Variants in ABCC4 observed in about 807,000 individuals in gnomAD.
ABCC4 encodes the protein ATP-binding cassette sub-family C member 4.
ABCC4 carries 102 observed loss-of-function variants against 168.5 expected under a neutral mutation model. The observed-to-expected ratio is 0.61, with a 90% CI of 0.52 to 0.71. The LOEUF (loss-of-function observed/expected upper bound fraction) is 0.71, where lower values mean the gene tolerates loss of function less well. Among genes scored for constraint, ABCC4 ranks in the 30% least tolerant of loss-of-function variants. The pLI is 0.00. For missense variants in ABCC4, 1,402 were observed against 1,605.8 expected (o/e 0.87, Z 2.17); for synonymous variants, 617 against 590.7 (o/e 1.04, Z -0.65).
intron 19 of ABCC4, among the ~76,000 whole-genome samples, chr13:95,151,581 G>C (rs9645933): frequency 0.12 from 17,597 of 144,378 alleles, 1,405 homozygotes; most frequent in Non-Finnish European, 0.17. Flanking sequence ...GAAGGAGGAG[G>C]AGAAGGAGAA....
chr13:95,275,749 C>CAAA (rs61446542), intron 1 of ABCC4, among the ~76,000 whole-genome samples: 84,430 of 141,328 alleles, frequency 0.6, 26,092 homozygotes, highest in South Asian at 0.67. Flanking sequence ...GTTTCTGTCT[C>CAAA]AAAAAAAAAA....
intron 1 of ABCC4, among the ~76,000 whole-genome samples, chr13:95,253,836 G>A (rs1020335876): frequency 2.0e-5 from 3 of 152,096 alleles, no homozygotes; most frequent in South Asian, 2.1e-4. Context: ...ATACATGGAA[G>A]GTTAAGTGTT....
chr13:95,274,781 A>C (rs1156839130), intron 1 of ABCC4, among the ~76,000 whole-genome samples: 1 of 152,150 alleles, frequency 6.6e-6, no homozygotes, highest in Non-Finnish European at 1.5e-5. Context: ...CATCACAAAA[A>C]ACAACATAGA....
At chr13:95,104,735 T>C (rs904854832) in intron 20 of ABCC4, among the ~76,000 whole-genome samples, 2 of 152,136 alleles carry the variant, frequency 1.3e-5, no homozygotes, top group African/African-American at 4.8e-5. Flanking sequence ...GAATCACAAC[T>C]GACTCTGAGG....
intron 13 of ABCC4, among the ~76,000 whole-genome samples, chr13:95,174,307 G>A (rs762735348): frequency 7.9e-5 from 12 of 152,300 alleles, no homozygotes; most frequent in Non-Finnish European, 1.6e-4. Context: ...ATGGCAAATA[G>A]AAGCGTAATT....
At chr13:95,209,377 A>G in intron 6 of ABCC4, 57 bp downstream of exon 6, 1 of 1,559,040 alleles carries the variant, frequency 6.4e-7, no homozygotes, top group Non-Finnish European at 8.8e-7. Flanking sequence ...AAGCATTGGG[A>G]AGACTGTGGA....
Position 95,161,223 on chromosome 13 carries a change from T to C in ABCC4, c.2421A>G (p.Lys807=), listed in dbSNP as rs764148192. The C allele has an allele frequency of 5.0e-6, 8 of 1,609,418 alleles. No homozygotes were observed. The highest frequency in any genetic ancestry group is 6.8e-6 in the Non-Finnish European group (8 of 1,179,206). ...TTCTATCAAAGAATAATACCGGAGCTTTCAGAATTGACTCAAACATTTTGT... is the reference window on the plus strand; with the variant it reads ...TTCTATCAAAGAATAATACCGGAGCCTTCAGAATTGACTCAAACATTTTGT... The part of the protein sequence containing the change: ...LHNKMFESIL[K]APVLFFDRNP... The change falls in exon 19 of 31, where the codon AAA becomes AAG. Residue 807 remains lysine, a synonymous_variant. Transcript: ENST00000645237.
intron 23 of ABCC4, chr13:95,073,642 T>C (rs1013850176): frequency 4.6e-5 from 9 of 197,276 alleles, no homozygotes; most frequent in African/African-American, 7.0e-5. Flanking sequence ...CTACGTGCAA[T>C]GCAACCACAG....
chr13:95,084,526 C>A (rs1180817162), intron 20 of ABCC4, among the ~76,000 whole-genome samples: 1 of 152,010 alleles, frequency 6.6e-6, no homozygotes, highest in Non-Finnish European at 1.5e-5. Context: ...CTTTTTATTA[C>A]AATATATTGA....
At chr13:95,024,217 A>C (rs1210195850) in intron 30 of ABCC4, among the ~76,000 whole-genome samples, 1 of 151,926 alleles carries the variant, frequency 6.6e-6, no homozygotes, top group Non-Finnish European at 1.5e-5. Flanking sequence ...AAAAAAAAAA[A>C]AAAAAAAAAA....
rs753955694 is a variant in ABCC4 at position 95,034,682 on chromosome 13, T to C, written c.3793A>G (p.Lys1265Glu). The C allele has an allele frequency of 6.8e-6, 11 of 1,614,134 alleles. No homozygotes were observed. In the Admixed American group the frequency reaches 1.0e-4, roughly 15 times the overall value. The change falls in exon 30 of 31, where the codon AAA (lysine) becomes GAA (glutamate). Residue 1265 changes from lysine to glutamate, a missense_variant. Transcript: ENST00000645237. ...ACCATCTTGTAAAATAGGCTCTCTT[T>C]ATTTTGCAGCAAAACATACGGCTCA... ...YDEPYVLLQN[K>E]ESLFYKMVQQ...
At chr13:95,262,760 G>A (rs567485695) in intron 1 of ABCC4, among the ~76,000 whole-genome samples, 1 of 152,070 alleles carries the variant, frequency 6.6e-6, no homozygotes, top group South Asian at 2.1e-4. Flanking sequence ...AGCCTCCTGA[G>A]TAGCTGGGAT....
intron 11 of ABCC4, among the ~76,000 whole-genome samples, 199 bp from the exon 12 acceptor site, chr13:95,178,290 C>T (rs893634780): frequency 2.0e-5 from 3 of 152,162 alleles, no homozygotes; most frequent in Non-Finnish European, 4.4e-5. Flanking sequence ...AGTCAGGGCA[C>T]GTTATCTATT....
At chr13:95,063,430 G>A (rs1367805815) in intron 25 of ABCC4, among the ~76,000 whole-genome samples, 1 of 152,128 alleles carries the variant, frequency 6.6e-6, no homozygotes, top group African/African-American at 2.4e-5. Flanking sequence ...CTTTGGTAGA[G>A]AAACTTCCAA....
Position 95,034,605 on chromosome 13 carries a change from C to G in ABCC4, c.3870G>C (p.Gln1290His), listed in dbSNP as rs1488306130. ...EAAALTETAK[Q>H]VYFKRNYPHI... ...TTACAACTCCTTGGAGCACGCTCACCTGTTTTGCTGTTTCAGTGAGGGCAG... is the reference window on the plus strand; with the variant it reads ...TTACAACTCCTTGGAGCACGCTCACGTGTTTTGCTGTTTCAGTGAGGGCAG... The change falls in exon 30 of 31, where the codon CAG becomes CAC. Residue 1290 changes from glutamine (Q) to histidine (H), a missense_variant and splice_region_variant. Gln to His is a conservative substitution (Grantham distance 24). This residue lies in a region of ABCC4 where 1,007 missense variants were observed against 1,127.3 expected (regional missense o/e 0.89). Transcript: ENST00000645237. 2 of 1,612,524 alleles carry G rather than the reference C, an allele frequency of 1.2e-6. No individual in the cohort carries two copies. Among genetic ancestry groups the G allele is most frequent in the Non-Finnish European group, 8.5e-7 (1 of 1,179,720 alleles).
intron 10 of ABCC4, 86 bp from the exon 11 acceptor site, chr13:95,186,978 G>C: frequency 8.3e-7 from 1 of 1,208,722 alleles, no homozygotes. Context: ...CCAGCCCTGG[G>C]AGCTTGAAAA....
chr13:95,299,151 C>T (rs957583507), intron 1 of ABCC4, among the ~76,000 whole-genome samples: 3 of 150,990 alleles, frequency 2.0e-5, no homozygotes, highest in Non-Finnish European at 4.4e-5. Flanking sequence ...CCCAGCTACT[C>T]GGGAGGCTGA....
intron 11 of ABCC4, among the ~76,000 whole-genome samples, chr13:95,183,449 T>C (rs2037963535): frequency 6.6e-6 from 1 of 152,120 alleles, no homozygotes; most frequent in Non-Finnish European, 1.5e-5. Flanking sequence ...CGGCAAATGA[T>C]CTCATAACTC....
chr13:95,182,295 A>G (rs2037923603), intron 11 of ABCC4, among the ~76,000 whole-genome samples: 1 of 152,228 alleles, frequency 6.6e-6, no homozygotes, highest in South Asian at 2.1e-4. Flanking sequence ...TTGTAGAGTC[A>G]AGTGAGCTAT....
Sources: gnomAD v4.1 joint callset for allele counts (sites outside exome capture counted in the v4.1 genomes callset) on GRCh38, gnomAD v4.1.1 for gene constraint, gnomAD v4.1.1 regional missense constraint, MANE v1.5 for transcripts, NCBI Gene and HGNC (gene_info 2026-07-23, HGNC 2026-07-21) for gene names.